The following SLC39A12 variants were observed in gnomAD, a reference collection of about 807,000 sequenced individuals.
The protein encoded by SLC39A12 is solute carrier family 39 member 12.
Under a neutral mutation model 71.1 loss-of-function variants are expected in SLC39A12, and 63 were observed. That is an observed-to-expected ratio of 0.89 (90% CI 0.72 to 1.09). The LOEUF (loss-of-function observed/expected upper bound fraction) is 1.09, where lower values mean the gene tolerates loss of function less well. Among genes scored for constraint, SLC39A12 ranks in the 50% least tolerant of loss-of-function variants. The probability of loss-of-function intolerance (pLI) is 0.00; values close to 1 mark genes in which losing one functional copy is unlikely to be tolerated. For synonymous variants in SLC39A12, 351 were observed against 301.3 expected (o/e 1.16, Z -1.71); for missense variants, 892 against 812.6 (o/e 1.10, Z -1.19).
intron 12 of SLC39A12, among the ~76,000 whole-genome samples, chr10:18,007,557 TA>T (rs1836064229): frequency 6.6e-6 from 1 of 152,106 alleles, no homozygotes; most frequent in African/African-American, 2.4e-5. Context: ...ATTAAGAAAG[TA>T]AAAGGATAAA....
At chr10:18,001,882 A>T (rs1419091905) in intron 11 of SLC39A12, 1 of 151,054 alleles carries the variant, frequency 6.6e-6, no homozygotes, top group Non-Finnish European at 1.5e-5. Flanking sequence ...TGATGACTGT[A>T]GTCGTCCTGT....
chr10:17,987,570 C>G lies in SLC39A12; in HGVS notation c.1188C>G (p.Asn396Lys). 4 of 1,614,164 alleles carry G rather than the reference C, an allele frequency of 2.5e-6. No homozygotes were observed. The highest frequency in any genetic ancestry group is 1.1e-5 in the South Asian group (1 of 91,072). Reference sequence around the variant, plus strand: ...TCCTTTTCCATAGCTGTGAGGAGAACTACAGGCTTATCTTACAGCTGTTTG... The same window carrying G: ...TCCTTTTCCATAGCTGTGAGGAGAAGTACAGGCTTATCTTACAGCTGTTTG... ...ALVLFHSCEE[N>K]YRLILQLFVG... Residue 396 changes from asparagine to lysine, a missense_variant, in exon 7 of 13, where the codon AAC (asparagine) becomes AAG (lysine). Asn to Lys is a moderately conservative substitution (Grantham distance 94). Coordinates refer to ENST00000377369, the MANE Select transcript of SLC39A12 (RefSeq NM_001145195.2).
At chr10:18,001,847 A>G (rs906932034) in intron 11 of SLC39A12, 3 of 151,684 alleles carry the variant, frequency 2.0e-5, no homozygotes, top group Non-Finnish European at 1.5e-5. Flanking sequence ...TCTTTTAGTT[A>G]TTTTTAAATG....
At chr10:18,034,689 TATG>T (rs1274381789) in intron 12 of SLC39A12, among the ~76,000 whole-genome samples, 5 of 151,896 alleles carry the variant, frequency 3.3e-5, no homozygotes, top group African/African-American at 1.2e-4. Context: ...ATCCTGTCAT[TATG>T]ATGTTAGCTG....
rs534225003 is a variant in SLC39A12, at chr10:17,953,334, C to T, written c.58C>T (p.Arg20Cys). Reference sequence around the variant, plus strand: ...GGTGCCATTGTTTCTTCTACTCAGCCGTGTTTTTTCTACTGAGACAGACAA... The same window carrying T: ...GGTGCCATTGTTTCTTCTACTCAGCTGTGTTTTTTCTACTGAGACAGACAA... ...SWVPLFLLLS[R>C]VFSTETDKPS... Residue 20 changes from arginine (R) to cysteine (C), a missense_variant, in exon 2 of 13, where the codon CGT becomes TGT. Transcript: ENST00000377369. 13 of 1,613,990 alleles carry T rather than the reference C, an allele frequency of 8.1e-6. No homozygotes were observed. Among genetic ancestry groups the T allele is most frequent in the East Asian group, 6.7e-5 (3 of 44,900 alleles).
intron 3 of SLC39A12, among the ~76,000 whole-genome samples, chr10:17,963,705 C>G (rs1276075935): frequency 6.6e-6 from 1 of 152,164 alleles, no homozygotes; most frequent in East Asian, 1.9e-4. Context: ...ATCAGCTGTT[C>G]TTTCTGACTA....
chr10:17,970,137 A>G (rs1834931534), intron 4 of SLC39A12, among the ~76,000 whole-genome samples: 1 of 151,776 alleles, frequency 6.6e-6, no homozygotes. Context: ...ATTGTGTTCC[A>G]TTGGTCTCTG....
At chr10:17,959,355 G>A (rs1416234936) in intron 2 of SLC39A12, among the ~76,000 whole-genome samples, 1 of 152,084 alleles carries the variant, frequency 6.6e-6, no homozygotes, top group East Asian at 1.9e-4. Context: ...ACCCCCTGCA[G>A]TTGGGTTCAG....
chr10:17,995,659 A>G lies in SLC39A12; in HGVS notation c.1537A>G (p.Ser513Gly). Residue 513 changes from serine (S) to glycine (G), a missense_variant, in exon 10 of 13, where the codon AGC (serine) becomes GGC (glycine). Physicochemically the swap from Ser to Gly is moderately conservative, Grantham distance 56. Transcript: ENST00000377369. ...GTTATTTTTTAATTTAAAATAGAAA[A>G]GCCCAGAAGATTCACAGGCAGCTGA... is the stretch of plus-strand genomic sequence containing the variant. Reference protein sequence around the residue: ...GKSASTIQLKSPEDSQAAEMP... With the variant: ...GKSASTIQLKGPEDSQAAEMP... The G allele has an allele frequency of 6.2e-7, 1 of 1,611,004 alleles. No homozygotes were observed. Among genetic ancestry groups the G allele is most frequent in the South Asian group, 1.1e-5 (1 of 90,296 alleles).
intron 12 of SLC39A12, chr10:18,008,699 C>T (rs1836109506): frequency 6.6e-6 from 1 of 152,178 alleles, no homozygotes; most frequent in Admixed American, 6.5e-5. Context: ...TTTACAGGAA[C>T]AGGGAGCATA....
At chr10:18,005,336 T>C (rs993389592) in intron 12 of SLC39A12, 1 of 152,236 alleles carries the variant, frequency 6.6e-6, no homozygotes, top group Admixed American at 6.5e-5. Flanking sequence ...TCCAGCTTTG[T>C]TGTGACTTTG....
In SLC39A12 at chr10:18,003,017, G is replaced by T. The variant is rs929531833; in HGVS notation, c.1760-154G>T. On this transcript the variant is annotated intron_variant, in intron 11 of 12. Transcript: ENST00000377369. ...CGATGAATGGGCTATGAATTCTAGA[G>T]AAATATAGGAAAGCATTTTATTTAC... is the stretch of plus-strand genomic sequence containing the variant. 1.8e-5 allele frequency: 11 copies of T among 620,036 alleles called. No homozygotes were observed. The African/African-American group carries it at 1.8e-4, about 10-fold the overall frequency. 38.4% of individuals were successfully genotyped at this position (620,036 alleles called of 1,614,324 possible). A position where few individuals can be genotyped will look rare whatever the true frequency, so the allele number is the denominator to read the frequency against.
intron 9 of SLC39A12, among the ~76,000 whole-genome samples, chr10:17,993,687 T>C (rs1321586789): frequency 6.6e-6 from 1 of 152,182 alleles, no homozygotes; most frequent in African/African-American, 2.4e-5. Flanking sequence ...GCACCTAGGA[T>C]TGGGGAGTTC....
chr10:18,000,222 C>A (rs1282584508), intron 10 of SLC39A12, among the ~76,000 whole-genome samples: 2 of 152,194 alleles, frequency 1.3e-5, no homozygotes, highest in South Asian at 4.1e-4. Context: ...GGCCCTACCT[C>A]CTCATACCAC....
intron 6 of SLC39A12, 42 bp downstream of exon 6, chr10:17,981,525 G>A (rs1239336723): frequency 6.6e-7 from 1 of 1,505,814 alleles, no homozygotes; most frequent in South Asian, 1.2e-5. Flanking sequence ...TGTGCACAAT[G>A]TATGCAATAA....
chr10:17,995,932 A>T (rs1027002592), intron 10 of SLC39A12, among the ~76,000 whole-genome samples: 4 of 152,216 alleles, frequency 2.6e-5, no homozygotes, highest in Non-Finnish European at 5.9e-5. Context: ...CTTCCTTTAA[A>T]AATGAAGTTT....
chr10:18,024,517 C>T (rs1836621344), intron 12 of SLC39A12, among the ~76,000 whole-genome samples: 1 of 152,168 alleles, frequency 6.6e-6, no homozygotes, highest in Non-Finnish European at 1.5e-5. Flanking sequence ...CTTTCTCACT[C>T]TTCTCCACTC....
chr10:17,975,525 G>A (rs946243756), intron 4 of SLC39A12, among the ~76,000 whole-genome samples: 7 of 152,048 alleles, frequency 4.6e-5, no homozygotes, highest in Non-Finnish European at 1.0e-4. Context: ...TCCTGCTGTG[G>A]CTGAGCTGGT....
At chr10:17,965,855 A>G (rs1564640160) in intron 4 of SLC39A12, among the ~76,000 whole-genome samples, 165 bp downstream of exon 4, 2 of 152,226 alleles carry the variant, frequency 1.3e-5, no homozygotes, top group Admixed American at 1.3e-4. Context: ...TTTCAAGGCA[A>G]GCGTGCTATG....
Sources: gnomAD v4.1 joint callset for allele counts (sites outside exome capture counted in the v4.1 genomes callset) on GRCh38, gnomAD v4.1.1 for gene constraint, MANE v1.5 for transcripts, NCBI Gene and HGNC (gene_info 2026-07-23, HGNC 2026-07-21) for gene names.